Variants in TATDN1 observed in about 807,000 individuals in gnomAD.
The protein encoded by TATDN1 is deoxyribonuclease TATDN1.
A neutral mutation model predicts 46.4 loss-of-function variants in TATDN1; 40 were observed. The ratio of observed to expected loss-of-function variants is 0.86; its 90% CI spans 0.67 to 1.12. The LOEUF is 1.12. TATDN1 is among the 50% of genes most tolerant of loss of function. The pLI, the probability that TATDN1 is intolerant of heterozygous loss-of-function variation, is 0.00. For missense variants in TATDN1, 326 were observed against 348.4 expected (o/e 0.94, Z 0.51); for synonymous variants, 95 against 105.6 (o/e 0.90, Z 0.62).
intron 11 of TATDN1, among the ~76,000 whole-genome samples, chr8:124,493,382 CTT>C (rs1817189751): frequency 6.6e-6 from 1 of 152,186 alleles, no homozygotes; most frequent in South Asian, 2.1e-4. Context: ...AATAGCCCCT[CTT>C]TTCACTTGTG....
chr8:124,499,405 C>T (rs1817748306), intron 9 of TATDN1, among the ~76,000 whole-genome samples: 1 of 152,070 alleles, frequency 6.6e-6, no homozygotes, highest in South Asian at 2.1e-4. Flanking sequence ...TCTTCTGTGT[C>T]TATTCTATGA....
chr8:124,504,274 C>A lies in TATDN1; in HGVS notation c.590G>T (p.Gly197Val). Residue 197 changes from glycine (G) to valine (V), a missense_variant, in exon 9 of 12, where the codon GGT becomes GTT. Physicochemically the swap from Gly to Val is moderately radical, Grantham distance 109. Transcript: ENST00000276692. ...CCAAAGCAACCTAAGAACGTACCAACCATTAAATCCTATATAAAGATCCAA... is the reference window on the plus strand; with the variant it reads ...CCAAAGCAACCTAAGAACGTACCAAACATTAAATCCTATATAAAGATCCAA... ...IDLDLYIGFN[G>V]CSLKTEANLE... 1 of 1,597,030 alleles carries A rather than the reference C, an allele frequency of 6.3e-7. No homozygotes were observed. The highest frequency in any genetic ancestry group is 1.3e-5 in the African/African-American group (1 of 74,202).
At chr8:124,519,903 G>A (rs1007318281) in intron 3 of TATDN1, among the ~76,000 whole-genome samples, 3 of 152,146 alleles carry the variant, frequency 2.0e-5, no homozygotes, top group South Asian at 2.1e-4. Flanking sequence ...CGTAAGGGGC[G>A]CCTTCTTCTG....
At chr8:124,531,578 A>T (rs1376896728) in intron 1 of TATDN1, among the ~76,000 whole-genome samples, 1 of 152,210 alleles carries the variant, frequency 6.6e-6, no homozygotes, top group African/African-American at 2.4e-5. Context: ...CCACCACCAT[A>T]GCTGTTGCTT....
intron 4 of TATDN1, among the ~76,000 whole-genome samples, chr8:124,518,385 G>C (rs113833854): frequency 1.4e-5 from 2 of 147,692 alleles, no homozygotes; most frequent in Admixed American, 6.7e-5. Context: ...TTAGCCTGGC[G>C]TGGTGGCGGG....
intron 9 of TATDN1, among the ~76,000 whole-genome samples, chr8:124,502,750 T>G (rs1474009207): frequency 3.3e-5 from 5 of 152,246 alleles, no homozygotes. Flanking sequence ...TACTTTTTGT[T>G]TTCCTGGATT....
intron 10 of TATDN1, chr8:124,494,622 GC>G (rs1817303277): frequency 6.6e-6 from 1 of 152,052 alleles, no homozygotes; most frequent in South Asian, 2.1e-4. Flanking sequence ...TCGGCTCACT[GC>G]AACCTCTGCC....
At chr8:124,492,168 T>C (rs919158523) in intron 11 of TATDN1, among the ~76,000 whole-genome samples, 1 of 152,084 alleles carries the variant, frequency 6.6e-6, no homozygotes, top group Admixed American at 6.5e-5. Context: ...AGAGACAGGA[T>C]TTCACCATGT....
Position 124,515,933 on chromosome 8 carries a change from A to T in TATDN1, c.300T>A (p.Ala100=). Residue 100 remains alanine, a synonymous_variant, in exon 5 of 12, where the codon GCT becomes GCA. Coordinates refer to ENST00000276692, the MANE Select transcript of TATDN1 (RefSeq NM_032026.4). ...CCACAACTTTCCCTTTATTGTTTTC[A>T]GCAAGATTTAGCAACTCCTTTAAGT... ...DLYLKELLNL[A]ENNKGKVVAI... The T allele has an allele frequency of 6.2e-7, 1 of 1,614,076 alleles. No individual in the cohort carries two copies. The highest frequency in any genetic ancestry group is 8.5e-7 in the Non-Finnish European group (1 of 1,180,006).
At chr8:124,492,765 A>AG (rs1419830316) in intron 11 of TATDN1, among the ~76,000 whole-genome samples, 1 of 151,902 alleles carries the variant, frequency 6.6e-6, no homozygotes, top group Non-Finnish European at 1.5e-5. Context: ...AAAAAAAAAA[A>AG]AAAAAAAGAT....
intron 1 of TATDN1, among the ~76,000 whole-genome samples, chr8:124,528,411 G>C (rs140570866): frequency 6.6e-6 from 1 of 152,236 alleles, no homozygotes; most frequent in African/African-American, 2.4e-5. Context: ...CTGACCTTGT[G>C]ATCCTCCCGC....
chr8:124,489,482 C>T (rs150412009), intron 11 of TATDN1: 4,398 of 151,742 alleles, frequency 0.029, 88 homozygotes, highest in Middle Eastern at 0.051. Context: ...GGCACGATCT[C>T]GGCTCACTGC....
At chr8:124,510,278 T>C (rs1191589266) in intron 6 of TATDN1, among the ~76,000 whole-genome samples, 1 of 152,160 alleles carries the variant, frequency 6.6e-6, no homozygotes, top group Admixed American at 6.5e-5. Context: ...CCATAACCTC[T>C]AAAGTAAACC....
At chr8:124,511,914 C>A (rs1158550623) in intron 6 of TATDN1, among the ~76,000 whole-genome samples, 1 of 152,084 alleles carries the variant, frequency 6.6e-6, no homozygotes, top group Non-Finnish European at 1.5e-5. Flanking sequence ...AGGGGATGCA[C>A]AAAGGGATGA....
intron 11 of TATDN1, among the ~76,000 whole-genome samples, chr8:124,492,042 T>TCTGCTCA (rs1212027909): frequency 6.6e-6 from 1 of 151,874 alleles, no homozygotes; most frequent in Non-Finnish European, 1.5e-5. Flanking sequence ...TGGTGTGGTC[T>TCTGCTCA]CTGCTCACTG....
At chr8:124,534,071 G>C (rs923456855) in intron 1 of TATDN1, among the ~76,000 whole-genome samples, 2 of 147,646 alleles carry the variant, frequency 1.4e-5, no homozygotes, top group African/African-American at 5.0e-5. Context: ...GCGTGAACCT[G>C]GGAGGCGGAG....
rs532188149 is a variant in TATDN1, at chr8:124,534,617, G to A, written c.22+4408C>T. ...ACAGGCGTGAGGATTCACTTCTGAC[G>A]TCAGGTATGTGTGGGGTTTCCTCTC... On this transcript the variant is annotated intron_variant, in intron 1 of 11. Coordinates refer to ENST00000276692, the MANE Select transcript of TATDN1 (RefSeq NM_032026.4). 7.2e-5 allele frequency among the ~76,000 whole-genome samples: 11 copies of A among 152,254 alleles called. No individual in the cohort carries two copies. The South Asian group carries it at 1.7e-3, about 23-fold the overall frequency.
intron 1 of TATDN1, among the ~76,000 whole-genome samples, chr8:124,533,230 C>T (rs574027908): frequency 3.4e-5 from 5 of 148,654 alleles, no homozygotes; most frequent in South Asian, 2.1e-4. Context: ...ACAGCCTGGG[C>T]GACAGAGTGA....
chr8:124,531,715 A>G (rs1370102250), intron 1 of TATDN1, among the ~76,000 whole-genome samples: 1 of 152,172 alleles, frequency 6.6e-6, no homozygotes, highest in Non-Finnish European at 1.5e-5. Flanking sequence ...ACCCTAGGGG[A>G]GAGGAAATTG....
Sources: gnomAD v4.1 joint callset for allele counts (sites outside exome capture counted in the v4.1 genomes callset) on GRCh38, gnomAD v4.1.1 for gene constraint, MANE v1.5 for transcripts, NCBI Gene and HGNC (gene_info 2026-07-23, HGNC 2026-07-21) for gene names.